Variants in VNN1 observed in about 807,000 individuals in gnomAD.
VNN1 encodes the protein pantetheinase.
In VNN1, 29 loss-of-function variants were observed where a neutral mutation model predicts 41.9. That is an observed-to-expected ratio of 0.69 (90% confidence interval 0.52 to 0.94). The LOEUF (loss-of-function observed/expected upper bound fraction) is 0.94, where lower values mean the gene tolerates loss of function less well. Ranked by LOEUF, VNN1 falls within the 40% of genes least tolerant of loss-of-function variation. VNN1 has a pLI of 0.00. For missense variants in VNN1, 637 were observed against 621.1 expected, an observed-to-expected ratio of 1.03 and a Z score of -0.27; for synonymous variants, 233 against 224.4, an observed-to-expected ratio of 1.04 and a Z score of -0.34.
At chr6:132,695,965 G>C (rs775746011) in intron 2 of VNN1, among the ~76,000 whole-genome samples, 1 of 152,080 alleles carries the variant, frequency 6.6e-6, no homozygotes, top group Non-Finnish European at 1.5e-5. Context: ...AAACAGGAAA[G>C]TATGACTCAC....
intron 4 of VNN1, among the ~76,000 whole-genome samples, 173 bp from the exon 5 acceptor site, chr6:132,692,757 A>C (rs1055371474): frequency 2.0e-5 from 3 of 152,212 alleles, no homozygotes; most frequent in Non-Finnish European, 4.4e-5. Context: ...AAATCAATTA[A>C]AGTATGAAAC....
At chr6:132,693,939 C>T (rs987296689) in intron 3 of VNN1, 51 bp downstream of exon 3, 7 of 1,600,542 alleles carry the variant, frequency 4.4e-6, no homozygotes, top group Non-Finnish European at 6.0e-6. Context: ...TCCTTGCCCA[C>T]TTTATTTCAT....
At chr6:132,703,947 A>G (rs192506245) in intron 2 of VNN1, among the ~76,000 whole-genome samples, 1 of 152,146 alleles carries the variant, frequency 6.6e-6, no homozygotes, top group African/African-American at 2.4e-5. Context: ...GACAAAAACC[A>G]TAAAAGGAGA....
At position 132,700,918 on chromosome 6, in the gene VNN1, C is replaced by T. The variant is rs539951742; in HGVS notation, c.342-6736G>A. On this transcript the variant is annotated intron_variant, in intron 2 of 6. Coordinates refer to ENST00000367928, the MANE Select transcript of VNN1 (RefSeq NM_004666.3). ...TCTCCATAGCCCTGCTCTATAGATT[C>T]CATAATGGTATAATGGATTTAAGCT... 1.3e-4 allele frequency among the ~76,000 whole-genome samples: 20 copies of T among 152,202 alleles called. No individual in the cohort carries two copies. In the South Asian group the frequency reaches 3.9e-3, roughly 30 times the overall value.
At chr6:132,703,841 C>T (rs2327275) in intron 2 of VNN1, among the ~76,000 whole-genome samples, 70,405 of 151,960 alleles carry the variant, frequency 0.46, 18,392 homozygotes, top group African/African-American at 0.71. Context: ...AAGACACACA[C>T]AGACAGAAAA....
intron 1 of VNN1, among the ~76,000 whole-genome samples, chr6:132,712,143 T>C (rs1170002118): frequency 6.6e-6 from 1 of 151,868 alleles, no homozygotes; most frequent in East Asian, 1.9e-4. Flanking sequence ...TCAAGCATTT[T>C]TTTTTCTCTC....
At chr6:132,709,273 A>G (rs1051483635) in intron 2 of VNN1, among the ~76,000 whole-genome samples, 5 of 152,154 alleles carry the variant, frequency 3.3e-5, no homozygotes, top group African/African-American at 1.2e-4. Flanking sequence ...CCCACACTAG[A>G]ATATAAATTT....
chr6:132,692,254 A>G lies in VNN1; in HGVS notation c.1157T>C (p.Leu386Pro). The G allele has an allele frequency of 6.2e-7, 1 of 1,606,988 alleles. No homozygotes were observed. Among genetic ancestry groups the G allele is most frequent in the Non-Finnish European group, 8.5e-7 (1 of 1,176,246 alleles). ...EVYALGAFDG[L>P]HTVEGRYYLQ... ...ATAATAGCGCCCTTCCACAGTGTGC[A>G]GTCCGTCAAATGCCCCTAGAGCGTA... Residue 386 changes from leucine to proline, a missense_variant, in exon 5 of 7, where the codon CTG (leucine) becomes CCG (proline). Transcript: ENST00000367928.
chr6:132,687,924 C>G (rs1404322451), intron 5 of VNN1, among the ~76,000 whole-genome samples: 1 of 152,078 alleles, frequency 6.6e-6, no homozygotes. Context: ...CAATGACATA[C>G]TGATATAAAC....
In VNN1 at chr6:132,683,203, T is replaced by C. The variant is rs768255259; in HGVS notation, c.1479A>G (p.Thr493=). Residue 493 remains threonine, a synonymous_variant, in exon 7 of 7, where the codon ACA becomes ACG. Transcript: ENST00000367928. ...DWASNASSGL[T]AQARIIMLIV... ...TTAGCATTATTATTCTTGCTTGTGC[T>C]GTGAGGCCTGATGAAGCATTTGATG... The C allele has an allele frequency of 1.7e-5, 28 of 1,614,052 alleles. No homozygotes were observed. The highest frequency in any genetic ancestry group is 2.0e-5 in the Non-Finnish European group (24 of 1,180,018).
chr6:132,694,529 C>G (rs908052053), intron 2 of VNN1, among the ~76,000 whole-genome samples: 1 of 152,060 alleles, frequency 6.6e-6, no homozygotes, highest in South Asian at 2.1e-4. Flanking sequence ...ATCCCGTTTA[C>G]TAAAATTTTG....
intron 5 of VNN1, among the ~76,000 whole-genome samples, chr6:132,686,603 G>T (rs75986040): frequency 6.6e-6 from 1 of 152,164 alleles, no homozygotes; most frequent in African/African-American, 2.4e-5. Flanking sequence ...ACTTACCTCC[G>T]ATTTCCCCGC....
Position 132,692,521 on chromosome 6 carries a change from C to G in VNN1, c.890G>C (p.Gly297Ala), listed in dbSNP as rs1265203910. 1.2e-6 allele frequency: 2 copies of G among 1,611,442 alleles called. No individual in the cohort carries two copies. Among genetic ancestry groups the G allele is most frequent in the Non-Finnish European group, 1.7e-6 (2 of 1,179,924 alleles). Residue 297 changes from glycine to alanine, a missense_variant, in exon 5 of 7, where the codon GGA becomes GCA. Coordinates refer to ENST00000367928, the MANE Select transcript of VNN1 (RefSeq NM_004666.3). ...AFHYDMKTEE[G>A]KLLLSQLDSH... is the part of the protein sequence containing the mutation. ...ATCCAGTTGCGAGAGGAGGAGTTTTCCCTCTTCTGTCTTCATATCATAATG... is the reference window on the plus strand; with the variant it reads ...ATCCAGTTGCGAGAGGAGGAGTTTTGCCTCTTCTGTCTTCATATCATAATG...
In VNN1 at chr6:132,683,278, T is replaced by C; in HGVS notation, c.1404A>G (p.Gly468=). The C allele has an allele frequency of 6.2e-7, 1 of 1,613,966 alleles. No homozygotes were observed. The part of the protein sequence containing the change: ...GRLFSLKPTS[G]PVLTVTLFGR... ...CAAACAGAGTTACTGTTAAGACAGG[T>C]CCGGATGTTGGCTTCAGACTAAACA... Residue 468 remains glycine, a synonymous_variant, in exon 7 of 7, where the codon GGA becomes GGG. Coordinates refer to ENST00000367928, the MANE Select transcript of VNN1 (RefSeq NM_004666.3).
intron 5 of VNN1, among the ~76,000 whole-genome samples, chr6:132,685,927 G>A (rs1778200883): frequency 6.6e-6 from 1 of 152,112 alleles, no homozygotes; most frequent in Non-Finnish European, 1.5e-5. Context: ...AACACTGAAT[G>A]TTGAAAACGT....
chr6:132,687,092 A>C (rs878889248), intron 5 of VNN1, among the ~76,000 whole-genome samples: 4 of 152,146 alleles, frequency 2.6e-5, no homozygotes, highest in Admixed American at 2.0e-4. Context: ...TTTCAGAAAA[A>C]GAGAAAAGAA....
intron 2 of VNN1, among the ~76,000 whole-genome samples, chr6:132,701,476 T>C (rs185570876): frequency 5.3e-5 from 8 of 152,314 alleles, no homozygotes; most frequent in African/African-American, 1.7e-4. Flanking sequence ...GCCTTTGTTC[T>C]AAGAACTGTA....
At chr6:132,705,075 G>C (rs928025103) in intron 2 of VNN1, among the ~76,000 whole-genome samples, 4 of 152,054 alleles carry the variant, frequency 2.6e-5, no homozygotes, top group East Asian at 1.9e-4. Context: ...GGACTTAAAG[G>C]CTTCAGTGCT....
chr6:132,707,381 T>G (rs1778534443), intron 2 of VNN1, among the ~76,000 whole-genome samples: 1 of 152,182 alleles, frequency 6.6e-6, no homozygotes, highest in African/African-American at 2.4e-5. Context: ...GAGAACAGTT[T>G]GAAGGTTTCT....
Sources: gnomAD v4.1 joint callset for allele counts (sites outside exome capture counted in the v4.1 genomes callset) on GRCh38, gnomAD v4.1.1 for gene constraint, MANE v1.5 for transcripts, NCBI Gene and HGNC (gene_info 2026-07-23, HGNC 2026-07-21) for gene names.